Variants in CELF2 observed in about 807,000 individuals in gnomAD.
CELF2 encodes the protein CUG triplet repeat RNA-binding protein 2.
Under a neutral mutation model 62.6 loss-of-function variants are expected in CELF2, and 8 were observed. That is an observed-to-expected ratio of 0.13 (90% CI 0.07 to 0.23). CELF2 has a LOEUF of 0.23. CELF2 is among the 10% of genes least tolerant of loss of function. The pLI is 1.00. For missense variants in CELF2, 333 were observed against 671.0 expected (o/e 0.50, Z 5.56); for synonymous variants, 258 against 250.0 (o/e 1.03, Z -0.30).
chr10:11,241,894 A>C (rs904880348), intron 3 of CELF2, among the ~76,000 whole-genome samples: 2 of 152,208 alleles, frequency 1.3e-5, no homozygotes, highest in Admixed American at 6.5e-5. Flanking sequence ...AGCATTCCCA[A>C]ATTTTTTTAG....
intron 2 of CELF2, chr10:10,927,346 T>TAAAAAAAAAAAAAAAAAAAAAAAA (rs34283995): frequency 1.2e-5 from 1 of 85,840 alleles, no homozygotes; most frequent in African/African-American, 5.7e-5. Context: ...CTAGTGACAT[T>TAAAAAAAAAAAAAAAAAAAAAAAA]AAAAAAAAAA....
rs1394956468 is a variant in CELF2, at chr10:11,110,581, A to T, written c.75-54905A>T. On this transcript the variant is annotated intron_variant, in intron 1 of 12. Transcript: ENST00000633077. This position sits in a 1 kb window ranked among gnomAD's most constrained non-coding sequence, Gnocchi z 4.0. ...TGGAGGTCATGTCCCTAAGCAGAGC[A>T]TCAGAGAGGAGAAGAGAGGAGGAGG... Among the ~76,000 whole-genome samples, 1 of 152,238 alleles carries T rather than the reference A, an allele frequency of 6.6e-6. No homozygotes were observed. Among genetic ancestry groups the T allele is most frequent in the Non-Finnish European group, 1.5e-5 (1 of 68,034 alleles).
chr10:10,752,456 C>A, the CELF2 span, among the ~76,000 whole-genome samples: 1 of 151,868 alleles, frequency 6.6e-6, no homozygotes, highest in Non-Finnish European at 1.5e-5. Context: ...TTTGGGAGGC[C>A]AACGTGGGCA....
intron 2 of CELF2, among the ~76,000 whole-genome samples, chr10:10,961,533 G>T (rs1053444989): frequency 1.3e-5 from 2 of 151,942 alleles, no homozygotes; most frequent in Non-Finnish European, 2.9e-5. Flanking sequence ...GATCACGTGA[G>T]GTCAAGAGTA....
rs759424341 is a variant in CELF2 at position 11,242,662 on chromosome 10, G to A, written c.355-6491G>A. Among the ~76,000 whole-genome samples the A allele has an allele frequency of 7.9e-5, 12 of 152,186 alleles. No individual in the cohort carries two copies. Among genetic ancestry groups the A allele is most frequent in the Non-Finnish European group, 1.3e-4 (9 of 68,026 alleles). On this transcript the variant is annotated intron_variant, in intron 3 of 12. Transcript: ENST00000633077. This position sits in a 1 kb window ranked among gnomAD's most constrained non-coding sequence, Gnocchi z 4.8. ...GTCGTACTCTCATTTTCATTTTCAT[G>A]AGTCACAGCTGGGGCCTTGTGGGAA...
chr10:11,240,200 C>T (rs1023451195), intron 3 of CELF2, among the ~76,000 whole-genome samples: 1 of 152,166 alleles, frequency 6.6e-6, no homozygotes, highest in African/African-American at 2.4e-5. Context: ...AGTTTTTTCC[C>T]GAATTTCCAA....
intron 9 of CELF2, among the ~76,000 whole-genome samples, chr10:11,292,547 A>G (rs1398576010): frequency 6.6e-6 from 1 of 152,234 alleles, no homozygotes; most frequent in East Asian, 1.9e-4. Context: ...TGAGCCTTCT[A>G]GTTCATGCAG....
intron 1 of CELF2, among the ~76,000 whole-genome samples, chr10:10,805,933 G>A (rs1483755680): frequency 1.3e-5 from 2 of 152,092 alleles, no homozygotes; most frequent in Admixed American, 6.6e-5. Flanking sequence ...TTTAATGAGG[G>A]GCCTTTCTAT....
rs560344058 is a variant in CELF2 at position 11,191,187 on chromosome 10, A to C, written c.271+25505A>C. ...TGGCTCAGTGCCTGTAACAATGGAC[A>C]CTCATGTTCATCTAGTTCTGTCCCT... is the stretch of plus-strand genomic sequence containing the variant. On this transcript the variant is annotated intron_variant, in intron 2 of 12. Transcript: ENST00000633077. The surrounding 1 kb of genome is among the most constrained non-coding windows in gnomAD (Gnocchi z 4.1). Among the ~76,000 whole-genome samples, 1 of 152,210 alleles carries C rather than the reference A, an allele frequency of 6.6e-6. No individual in the cohort carries two copies. The highest frequency in any genetic ancestry group is 2.1e-4 in the South Asian group (1 of 4,816).
At chr10:11,286,411 G>C (rs2091317380) in intron 8 of CELF2, among the ~76,000 whole-genome samples, 1 of 152,246 alleles carries the variant, frequency 6.6e-6, no homozygotes, top group Admixed American at 6.5e-5. Context: ...TCACGTTAGA[G>C]GAAGCACACA....
At chr10:10,704,359 A>G in the CELF2 span, among the ~76,000 whole-genome samples, 1 of 152,152 alleles carries the variant, frequency 6.6e-6, no homozygotes, top group Non-Finnish European at 1.5e-5. Flanking sequence ...ATAATGCACA[A>G]TGGGGCTCTC....
chr10:10,839,313 A>T lies in CELF2; in HGVS notation c.53+40496A>T, dbSNP rs557236836. ...TAAATATCTCTACATGTAACCCTCT[A>T]TATAAATAGTAAGCTAACATAAGCT... is the stretch of plus-strand genomic sequence containing the variant. On this transcript the variant is annotated intron_variant, in intron 1 of 13. Coordinates refer to the CELF2 transcript ENST00000636488. 2.0e-4 allele frequency among the ~76,000 whole-genome samples: 30 copies of T among 152,300 alleles called. No homozygotes were observed. In the South Asian group the frequency reaches 6.0e-3, roughly 30 times the overall value.
At chr10:10,651,755 A>G in the CELF2 span, among the ~76,000 whole-genome samples, 1 of 151,900 alleles carries the variant, frequency 6.6e-6, no homozygotes, top group East Asian at 1.9e-4. Flanking sequence ...AGTAGATAAA[A>G]CCACAAAGAT....
At chr10:10,668,916 C>T in the CELF2 span, among the ~76,000 whole-genome samples, 1 of 152,104 alleles carries the variant, frequency 6.6e-6, no homozygotes, top group Non-Finnish European at 1.5e-5. Flanking sequence ...TGAGATCATG[C>T]CACTACACTC....
the CELF2 span, among the ~76,000 whole-genome samples, chr10:10,568,537 C>T: frequency 3.9e-5 from 6 of 152,302 alleles, no homozygotes; most frequent in East Asian, 9.7e-4. Flanking sequence ...AGAGTTTGCT[C>T]ACCCTTCGTT....
chr10:11,029,247 C>A (rs1272318105), intron 1 of CELF2, among the ~76,000 whole-genome samples: 1 of 152,144 alleles, frequency 6.6e-6, no homozygotes, highest in Non-Finnish European at 1.5e-5. Flanking sequence ...TGGTGTCCAG[C>A]TGCAGGGTGT....
At chr10:10,768,113 C>G in the CELF2 span, among the ~76,000 whole-genome samples, 1 of 150,758 alleles carries the variant, frequency 6.6e-6, no homozygotes, top group South Asian at 2.1e-4. Flanking sequence ...TTGCCATGAG[C>G]TGAGACCACG....
intron 1 of CELF2, among the ~76,000 whole-genome samples, chr10:10,900,524 A>C (rs1438336241): frequency 6.6e-6 from 1 of 152,208 alleles, no homozygotes; most frequent in East Asian, 1.9e-4. Flanking sequence ...CTTGATAAAG[A>C]ATCTCAGCAA....
At chr10:10,689,747 CT>C in the CELF2 span, among the ~76,000 whole-genome samples, 1 of 152,246 alleles carries the variant, frequency 6.6e-6, no homozygotes, top group Admixed American at 6.5e-5. Flanking sequence ...AAACAAAGCC[CT>C]CTATTCAGCC....
Sources: allele counts gnomAD v4.1 joint callset (sites outside exome capture counted in the v4.1 genomes callset), GRCh38; gene constraint gnomAD v4.1.1; non-coding constraint Gnocchi (gnomAD v3.1); transcripts MANE v1.5; gene names NCBI Gene and HGNC (gene_info 2026-07-23, HGNC 2026-07-21).